Variants in HSPA14 observed in about 807,000 individuals in gnomAD.
HSPA14 encodes heat shock protein family A (Hsp70) member 14.
In HSPA14, 37 loss-of-function variants were observed where a neutral mutation model predicts 65.5. That is an observed-to-expected ratio of 0.56 (90% CI 0.43 to 0.74). The LOEUF (loss-of-function observed/expected upper bound fraction) is 0.74, where lower values mean the gene tolerates loss of function less well. Ranked by LOEUF, HSPA14 falls within the 30% of genes least tolerant of loss-of-function variation. HSPA14 has a pLI of 0.00. For synonymous variants in HSPA14, 203 were observed against 214.2 expected, an observed-to-expected ratio of 0.95 and a Z score of 0.46; for missense variants, 564 against 607.6, an observed-to-expected ratio of 0.93 and a Z score of 0.75.
At chr10:14,863,487 C>G (rs972247892) in intron 10 of HSPA14, among the ~76,000 whole-genome samples, 89 of 152,312 alleles carry the variant, frequency 5.8e-4, no homozygotes, top group African/African-American at 1.8e-3. Flanking sequence ...ATATGATTAT[C>G]AGGCATCATC....
intron 1 of HSPA14, 183 bp downstream of exon 1, chr10:14,838,642 G>A (rs1347600165): frequency 8.6e-6 from 5 of 584,380 alleles, no homozygotes; most frequent in South Asian, 4.4e-5. Context: ...CGATTCCTCC[G>A]GAAAGTCGTC....
At position 14,871,725 on chromosome 10, in the gene HSPA14, C is replaced by A; in HGVS notation, c.*119C>A. ...ACTGTATAAACTATGTTTTATTAAA[C>A]TACAATATATCAGTAAGTGTTGCAA... On this transcript the variant is annotated 3_prime_UTR_variant, in exon 14 of 14. Transcript: ENST00000378372. The A allele has an allele frequency of 1.9e-6, 1 of 520,292 alleles. No homozygotes were observed. Among genetic ancestry groups the A allele is most frequent in the Non-Finnish European group, 3.4e-6 (1 of 296,936 alleles). 32.2% of individuals were successfully genotyped at this position (520,292 alleles called of 1,614,324 possible). A position where few individuals can be genotyped will look rare whatever the true frequency, so the allele number is the denominator to read the frequency against.
chr10:14,864,233 A>G (rs1157941093), intron 10 of HSPA14, among the ~76,000 whole-genome samples: 5 of 123,274 alleles, frequency 4.1e-5, no homozygotes, highest in Non-Finnish European at 5.1e-5. Flanking sequence ...CTGTCTCCGG[A>G]AAAAAAAAAA....
chr10:14,856,810 G>C (rs1832704026), intron 10 of HSPA14, among the ~76,000 whole-genome samples: 1 of 152,004 alleles, frequency 6.6e-6, no homozygotes, highest in African/African-American at 2.4e-5. Flanking sequence ...AGTGAGCCGT[G>C]ATTCGTACCA....
chr10:14,842,271 C>T lies in HSPA14; in HGVS notation c.221+2114C>T. On this transcript the variant is annotated intron_variant, in intron 3 of 13. Transcript: ENST00000378372. This position sits in a 1 kb window ranked among gnomAD's most constrained non-coding sequence, Gnocchi z 5.2. ...GCTGTCCAGAAGCTGCCTAGCCCTC[C>T]TTTCCAACCCACAATGGCCAGTGCC... 1.3e-6 allele frequency: 2 copies of T among 1,535,016 alleles called. No individual in the cohort carries two copies. The highest frequency in any genetic ancestry group is 1.7e-6 in the Non-Finnish European group (2 of 1,145,986).
In HSPA14 at chr10:14,840,176, C is replaced by T. The variant is rs1448851198; in HGVS notation, c.221+19C>T. ...GCAGAAGGTATGGAATCAAATGATA[C>T]TTTTAAATATGGTAATAGGAACATG... is the stretch of plus-strand genomic sequence containing the variant. On this transcript the variant is annotated intron_variant, in intron 3 of 13. Coordinates refer to ENST00000378372, the MANE Select transcript of HSPA14 (RefSeq NM_016299.4). 1 of 1,182,928 alleles carries T rather than the reference C, an allele frequency of 8.5e-7. No homozygotes were observed. Among genetic ancestry groups the T allele is most frequent in the African/African-American group, 1.5e-5 (1 of 64,548 alleles). 73.3% of individuals were successfully genotyped at this position (1,182,928 alleles called of 1,614,324 possible). A position where few individuals can be genotyped will look rare whatever the true frequency, so the allele number is the denominator to read the frequency against.
At chr10:14,851,193 A>G (rs1390577828) in intron 6 of HSPA14, 26 bp from the exon 7 acceptor site, 1 of 1,262,468 alleles carries the variant, frequency 7.9e-7, no homozygotes, top group Admixed American at 2.0e-5. Flanking sequence ...GATAAATTAA[A>G]TTCATTGAAA....
At chr10:14,864,244 A>G (rs536153072) in intron 10 of HSPA14, among the ~76,000 whole-genome samples, 1 of 150,884 alleles carries the variant, frequency 6.6e-6, no homozygotes, top group East Asian at 1.9e-4. Context: ...AAAAAAAAAA[A>G]AAAAAGTCAA....
At chr10:14,856,590 G>A (rs1328680665) in intron 10 of HSPA14, among the ~76,000 whole-genome samples, 5 of 152,026 alleles carry the variant, frequency 3.3e-5, no homozygotes, top group East Asian at 3.8e-4. Context: ...AGCCAGGTGC[G>A]ATGGCTCAAG....
chr10:14,846,323 A>C, intron 3 of HSPA14: 1 of 985,430 alleles, frequency 1.0e-6, no homozygotes, highest in Non-Finnish European at 1.2e-6. Context: ...AGCAAAGTGC[A>C]TAAGACAGGG....
At chr10:14,844,262 G>A (rs1466006099) in intron 3 of HSPA14, 6 of 1,080,950 alleles carry the variant, frequency 5.6e-6, no homozygotes, top group Admixed American at 9.6e-5. Flanking sequence ...TGAGGATCAC[G>A]TAGTTCATAG....
At position 14,854,207 on chromosome 10, in the gene HSPA14, T is replaced by A; in HGVS notation, c.817T>A (p.Ser273Thr). The stretch of plus-strand genomic sequence containing the variant: ...TGCTGAAGTAGCGAAACATTCTTTG[T>A]CAACCTTGGGAAGTGCCAACTGTTT... ...NSAEVAKHSL[S>T]TLGSANCFLD... The change falls in exon 9 of 14, where the codon TCA becomes ACA. Residue 273 changes from serine to threonine, a missense_variant. Physicochemically the swap from Ser to Thr is moderately conservative, Grantham distance 58. Coordinates refer to ENST00000378372, the MANE Select transcript of HSPA14 (RefSeq NM_016299.4). 1.2e-6 allele frequency: 2 copies of A among 1,613,830 alleles called. No individual in the cohort carries two copies. Among genetic ancestry groups the A allele is most frequent in the Non-Finnish European group, 1.7e-6 (2 of 1,179,866 alleles).
chr10:14,843,753 G>C, intron 3 of HSPA14: 1 of 1,536,508 alleles, frequency 6.5e-7, no homozygotes, highest in Non-Finnish European at 8.7e-7. Context: ...CCAGTGCTCA[G>C]CAAGATACTG....
At chr10:14,855,311 C>T (rs1218603078) in intron 9 of HSPA14, among the ~76,000 whole-genome samples, 1 of 152,092 alleles carries the variant, frequency 6.6e-6, no homozygotes, top group Non-Finnish European at 1.5e-5. Context: ...TTTTCATGAC[C>T]ATAAATTTTT....
intron 3 of HSPA14, chr10:14,844,679 C>T (rs1478500233): frequency 4.3e-5 from 42 of 972,102 alleles, no homozygotes; most frequent in Middle Eastern, 5.2e-4. Flanking sequence ...CGGTTTATAT[C>T]GATAATCTTC....
At chr10:14,846,223 ATAGGTAGGTAGG>A (rs144846967) in intron 3 of HSPA14, 5 of 985,072 alleles carry the variant, frequency 5.1e-6, no homozygotes, top group Non-Finnish European at 6.0e-6. Context: ...TGTGTCAATT[ATAGGTAGGTAGG>A]TAGGTAGGTA....
At position 14,842,280 on chromosome 10, in the gene HSPA14, CCA is replaced by C. The variant is rs1194027141; in HGVS notation, c.221+2126_221+2127del. On this transcript the variant is annotated intron_variant, in intron 3 of 13. Transcript: ENST00000378372. This position sits in a 1 kb window ranked among gnomAD's most constrained non-coding sequence, Gnocchi z 5.2. ...AAGCTGCCTAGCCCTCCTTTCCAACCCACAATGGCCAGTGCCAATAGCAGTGC... is the reference window on the plus strand; with the variant it reads ...AAGCTGCCTAGCCCTCCTTTCCAACCCAATGGCCAGTGCCAATAGCAGTGC... The C allele has an allele frequency of 6.5e-7, 1 of 1,534,942 alleles. No homozygotes were observed. The highest frequency in any genetic ancestry group is 1.2e-5 in the South Asian group (1 of 84,002).
At chr10:14,844,114 T>C (rs1292886176) in intron 3 of HSPA14, 9 of 1,368,886 alleles carry the variant, frequency 6.6e-6, no homozygotes, top group South Asian at 6.2e-5. Context: ...TAGAAAACGA[T>C]GGAGCCACGT....
At chr10:14,842,000 A>C in intron 3 of HSPA14, 1 of 568,192 alleles carries the variant, frequency 1.8e-6, no homozygotes, top group East Asian at 4.0e-5. Context: ...CCCTGGGTGA[A>C]CTCCCAAAGT....
Sources: gnomAD v4.1 joint callset for allele counts (sites outside exome capture counted in the v4.1 genomes callset) on GRCh38, gnomAD v4.1.1 for gene constraint, Gnocchi (gnomAD v3.1) non-coding constraint, MANE v1.5 for transcripts, NCBI Gene and HGNC (gene_info 2026-07-23, HGNC 2026-07-21) for gene names.